ZNF618: variants seen among roughly 807,000 people sequenced by gnomAD.
The protein encoded by ZNF618 is zinc finger protein 618.
In ZNF618, 34 loss-of-function variants were observed where a neutral mutation model predicts 103.0. That is an observed-to-expected ratio of 0.33 (90% CI 0.25 to 0.44). The LOEUF is 0.44. Among genes scored for constraint, ZNF618 ranks in the 20% least tolerant of loss-of-function variants. The pLI, the probability that ZNF618 is intolerant of heterozygous loss-of-function variation, is 1.00. For synonymous variants in ZNF618, 551 were observed against 542.2 expected (o/e 1.02, Z -0.23); for missense variants, 1,059 against 1,295.4 (o/e 0.82, Z 2.80).
At position 114,055,719 on chromosome 9, in the gene ZNF618, A is replaced by T. The variant is rs1274252885; in HGVS notation, c.*5552A>T. On this transcript the variant is annotated 3_prime_UTR_variant, in exon 15 of 15. Transcript: ENST00000374126. Reference sequence around the variant, plus strand: ...AACTCAAGTCATCTTAAAAAAAAAAAAATACAAAAAAAATTTACAAAAAAA... The same window carrying T: ...AACTCAAGTCATCTTAAAAAAAAAATAATACAAAAAAAATTTACAAAAAAA... 1.3e-5 allele frequency: 2 copies of T among 152,118 alleles called. No individual in the cohort carries two copies. Among genetic ancestry groups the T allele is most frequent in the Non-Finnish European group, 2.9e-5 (2 of 67,956 alleles). The allele number at this position is 152,118 out of a possible 1,614,324, so 9.4% of individuals were successfully genotyped here.
chr9:113,898,438 G>GTTTTT (rs11457055), intron 1 of ZNF618, among the ~76,000 whole-genome samples: 5 of 124,078 alleles, frequency 4.0e-5, no homozygotes, highest in South Asian at 5.3e-4. Context: ...CAGATTTTTC[G>GTTTTT]TTTTTTTTTT....
intron 2 of ZNF618, among the ~76,000 whole-genome samples, chr9:113,970,174 C>A (rs984994694): frequency 1.3e-5 from 2 of 151,734 alleles, no homozygotes; most frequent in African/African-American, 4.8e-5. Flanking sequence ...GAAGAGAGAG[C>A]CAGAGAGAGA....
chr9:114,004,160 A>G (rs1358340170), intron 6 of ZNF618, among the ~76,000 whole-genome samples: 3 of 152,256 alleles, frequency 2.0e-5, no homozygotes, highest in Non-Finnish European at 4.4e-5. Flanking sequence ...CCTGGGTCCC[A>G]GTAGCATTTC....
intron 1 of ZNF618, among the ~76,000 whole-genome samples, chr9:113,929,266 A>C (rs1833364925): frequency 6.6e-6 from 1 of 152,134 alleles, no homozygotes; most frequent in Non-Finnish European, 1.5e-5. Context: ...TTACTGTTTA[A>C]ACGTTCCTAC....
chr9:114,002,534 T>C, intron 5 of ZNF618, 90 bp from the exon 6 acceptor site: 3 of 1,436,794 alleles, frequency 2.1e-6, no homozygotes, highest in Non-Finnish European at 1.9e-6. Flanking sequence ...GCTCTTCCCC[T>C]GTGGCTTCCA....
At chr9:114,029,539 T>C (rs1162008593) in intron 11 of ZNF618, among the ~76,000 whole-genome samples, 1 of 152,190 alleles carries the variant, frequency 6.6e-6, no homozygotes, top group African/African-American at 2.4e-5. Flanking sequence ...CACACTGTTG[T>C]CTGTCTTACA....
chr9:113,938,215 G>A (rs1382120299), intron 1 of ZNF618, among the ~76,000 whole-genome samples: 2 of 140,460 alleles, frequency 1.4e-5, no homozygotes, highest in Non-Finnish European at 3.0e-5. Flanking sequence ...TGTTGCCCAG[G>A]CTGGAGTGCA....
chr9:113,906,074 A>G (rs749867105), intron 1 of ZNF618, among the ~76,000 whole-genome samples: 1 of 152,180 alleles, frequency 6.6e-6, no homozygotes. Context: ...TTACTCCGTC[A>G]TGACTAGAAG....
chr9:114,034,629 CA>C (rs372687213), intron 12 of ZNF618, among the ~76,000 whole-genome samples: 101 of 152,332 alleles, frequency 6.6e-4, no homozygotes, highest in Middle Eastern at 3.4e-3. Context: ...CTAGGTCCCC[CA>C]GATTATAAGT....
At chr9:113,907,910 G>A (rs1052727258) in intron 1 of ZNF618, among the ~76,000 whole-genome samples, 1 of 152,168 alleles carries the variant, frequency 6.6e-6, no homozygotes, top group African/African-American at 2.4e-5. Context: ...GAATCATGGG[G>A]GTGTCACTGT....
chr9:114,014,520 G>A (rs1020896338), intron 9 of ZNF618, among the ~76,000 whole-genome samples: 13 of 152,196 alleles, frequency 8.5e-5, no homozygotes, highest in African/African-American at 2.7e-4. Context: ...AACTTTGCCT[G>A]TTTTTGCTTA....
At position 113,955,045 on chromosome 9, in the gene ZNF618, T is replaced by G. The variant is rs1836139122; in HGVS notation, c.34-14072T>G. ...TCTCCCATATGCTGATATGCCTGGT[T>G]TTCTATCTGTCTCCTGTTTGCCTTC... On this transcript the variant is annotated intron_variant, in intron 1 of 14. Coordinates refer to ENST00000374126, the MANE Select transcript of ZNF618 (RefSeq NM_001318042.2). Among the ~76,000 whole-genome samples, 3 of 152,204 alleles carry G rather than the reference T, an allele frequency of 2.0e-5. No individual in the cohort carries two copies. The South Asian group carries it at 6.2e-4, about 31-fold the overall frequency.
rs1237870606 is a variant in ZNF618, at chr9:114,054,227, G to A, written c.*4060G>A. ...ACTTGAGCTGGACTCCTTGAAGAGTGGGCTTCTGGAGAGATGTTAGGAATA... is the reference window on the plus strand; with the variant it reads ...ACTTGAGCTGGACTCCTTGAAGAGTAGGCTTCTGGAGAGATGTTAGGAATA... On this transcript the variant is annotated 3_prime_UTR_variant, in exon 15 of 15. Transcript: ENST00000374126. The A allele has an allele frequency of 6.6e-6, 1 of 152,534 alleles. No homozygotes were observed. Among genetic ancestry groups the A allele is most frequent in the Admixed American group, 6.5e-5 (1 of 15,292 alleles). 9.4% of individuals were successfully genotyped at this position (152,534 alleles called of 1,614,324 possible).
intron 1 of ZNF618, among the ~76,000 whole-genome samples, chr9:113,956,000 A>G (rs1026836765): frequency 1.3e-5 from 2 of 151,998 alleles, no homozygotes; most frequent in Non-Finnish European, 2.9e-5. Context: ...ACCTGAGGTC[A>G]GTAGTTCGAG....
Position 114,049,838 on chromosome 9 carries a change from T to C in ZNF618, c.2536T>C (p.Phe846Leu), listed in dbSNP as rs767310379. ...GGAGTCCTGGGCCGAGGAGGCCGAC[T>C]TCGAGCCCGCTGCCAAGAAGCCCCG... is the stretch of plus-strand genomic sequence containing the variant. ...VKESWAEEADFEPAAKKPRSA... is the reference protein window; with the variant it reads ...VKESWAEEADLEPAAKKPRSA... The change falls in exon 15 of 15, where the codon TTC (phenylalanine) becomes CTC (leucine). Residue 846 changes from phenylalanine (F) to leucine (L), a missense_variant. Phe to Leu is a conservative substitution (Grantham distance 22). Around this residue, in one of 6 missense-constraint regions of ZNF618, gnomAD observed 156 missense variants for 197.1 expected, o/e 0.79. Coordinates refer to ENST00000374126, the MANE Select transcript of ZNF618 (RefSeq NM_001318042.2). The C allele has an allele frequency of 6.8e-6, 11 of 1,613,820 alleles. No individual in the cohort carries two copies. Among genetic ancestry groups the C allele is most frequent in the South Asian group, 1.1e-5 (1 of 91,094 alleles).
At chr9:114,027,430 A>G (rs1316433152) in intron 10 of ZNF618, among the ~76,000 whole-genome samples, 1 of 152,212 alleles carries the variant, frequency 6.6e-6, no homozygotes, top group Non-Finnish European at 1.5e-5. Context: ...ACTGTAGGCG[A>G]GGAGTGGGTG....
intron 2 of ZNF618, among the ~76,000 whole-genome samples, chr9:113,971,469 T>G (rs776133494): frequency 3.3e-4 from 50 of 152,166 alleles, no homozygotes; most frequent in Non-Finnish European, 4.0e-4. Context: ...CTGTATGCTG[T>G]GAACTCAGGC....
Position 114,050,943 on chromosome 9 carries a change from C to T in ZNF618, c.*776C>T, listed in dbSNP as rs995719178. 6.6e-6 allele frequency: 1 copy of T among 152,638 alleles called. No homozygotes were observed. Among genetic ancestry groups the T allele is most frequent in the Non-Finnish European group, 1.5e-5 (1 of 68,052 alleles). 9.5% of individuals were successfully genotyped at this position (152,638 alleles called of 1,614,324 possible). A position where few individuals can be genotyped will look rare whatever the true frequency, so the allele number is the denominator to read the frequency against. The stretch of plus-strand genomic sequence containing the variant: ...AACACACCTATCTATCTCCCCAAAT[C>T]AGGAAAGGAGACTTAAAGAGTATAA... On this transcript the variant is annotated 3_prime_UTR_variant, in exon 15 of 15. Transcript: ENST00000374126.
chr9:114,045,151 G>A (rs1845547094), intron 13 of ZNF618, among the ~76,000 whole-genome samples: 1 of 151,852 alleles, frequency 6.6e-6, no homozygotes, highest in Non-Finnish European at 1.5e-5. Flanking sequence ...TTCCCATTCT[G>A]TCGGTTGTCT....
Sources: allele counts gnomAD v4.1 joint callset (sites outside exome capture counted in the v4.1 genomes callset), GRCh38; gene constraint gnomAD v4.1.1; regional missense constraint gnomAD v4.1.1; transcripts MANE v1.5; gene names NCBI Gene and HGNC (gene_info 2026-07-23, HGNC 2026-07-21).